The following CCDC178 variants were observed in gnomAD, a reference collection of about 807,000 sequenced individuals.
CCDC178 encodes the protein coiled-coil domain containing 178.
Under a neutral mutation model 117.4 loss-of-function variants are expected in CCDC178, and 126 were observed. The ratio of observed to expected loss-of-function variants is 1.07; its 90% CI spans 0.93 to 1.24. The LOEUF (loss-of-function observed/expected upper bound fraction) is 1.24, where lower values mean the gene tolerates loss of function less well. Among genes scored for constraint, CCDC178 ranks in the 50% most tolerant of loss-of-function variants. The pLI is 0.00. For synonymous variants in CCDC178, 283 were observed against 313.4 expected, an observed-to-expected ratio of 0.90 and a Z score of 1.02; for missense variants, 1,030 against 986.9, an observed-to-expected ratio of 1.04 and a Z score of -0.59.
intron 20 of CCDC178, among the ~76,000 whole-genome samples, chr18:33,145,782 A>G (rs2058260174): frequency 6.6e-6 from 1 of 152,214 alleles, no homozygotes; most frequent in African/African-American, 2.4e-5. Context: ...GTGATGGTGG[A>G]ACCAGAAGAT....
intron 12 of CCDC178, among the ~76,000 whole-genome samples, chr18:33,268,810 TA>T (rs1305676938): frequency 1.3e-5 from 2 of 151,576 alleles, no homozygotes; most frequent in African/African-American, 2.4e-5. Flanking sequence ...AAAAAACTGA[TA>T]AAAAAATGTC....
intron 21 of CCDC178, among the ~76,000 whole-genome samples, chr18:32,998,188 G>T (rs2055558924): frequency 6.6e-6 from 1 of 152,150 alleles, no homozygotes; most frequent in South Asian, 2.1e-4. Context: ...AGTGATTGTG[G>T]GACTTTGCGT....
intron 21 of CCDC178, among the ~76,000 whole-genome samples, chr18:32,997,361 G>T (rs1035778074): frequency 6.6e-6 from 1 of 152,082 alleles, no homozygotes; most frequent in Non-Finnish European, 1.5e-5. Context: ...ATGTGGTTGG[G>T]CCTCATCCAA....
chr18:33,109,473 A>T (rs909448767), intron 20 of CCDC178, among the ~76,000 whole-genome samples: 1 of 151,650 alleles, frequency 6.6e-6, no homozygotes, highest in Admixed American at 6.6e-5. Flanking sequence ...TACTCATTAA[A>T]GTCTATATTA....
intron 9 of CCDC178, among the ~76,000 whole-genome samples, chr18:33,345,936 T>C (rs897964444): frequency 1.3e-5 from 2 of 152,044 alleles, no homozygotes; most frequent in African/African-American, 4.8e-5. Flanking sequence ...CAATCAATCC[T>C]CCCACCTCAG....
intron 19 of CCDC178, among the ~76,000 whole-genome samples, chr18:33,212,427 T>C (rs1350472856): frequency 6.6e-6 from 1 of 151,960 alleles, no homozygotes; most frequent in Admixed American, 6.6e-5. Flanking sequence ...AGTGAGAAGC[T>C]CTTAATTCCA....
In CCDC178 at chr18:33,167,607, T is replaced by C. The variant is rs140390349; in HGVS notation, c.2238+44289A>G. On this transcript the variant is annotated intron_variant, in intron 20 of 22. Coordinates refer to ENST00000383096, the MANE Select transcript of CCDC178 (RefSeq NM_001105528.4). ...AGCTGGATGCAGTGGCTCACACCTC[T>C]AATCCTAGCACTTTGGGAGGTCGAG... Among the ~76,000 whole-genome samples the C allele has an allele frequency of 7.1e-3, 1,088 of 152,206 alleles. 10 individuals are homozygous for C. Among genetic ancestry groups the C allele is most frequent in the African/African-American group, 0.025 (1,039 of 41,528 alleles).
chr18:33,059,029 G>A (rs1303482347), intron 21 of CCDC178, among the ~76,000 whole-genome samples: 2 of 152,038 alleles, frequency 1.3e-5, no homozygotes, highest in Non-Finnish European at 2.9e-5. Flanking sequence ...CTGGAGCACT[G>A]GGAAAGAAGG....
At chr18:33,277,061 C>A (rs2059959686) in intron 12 of CCDC178, among the ~76,000 whole-genome samples, 1 of 151,904 alleles carries the variant, frequency 6.6e-6, no homozygotes, top group African/African-American at 2.4e-5. Context: ...AGCAAGGATG[C>A]CACTTATTTC....
chr18:33,309,294 C>T (rs1430272005), intron 11 of CCDC178, among the ~76,000 whole-genome samples: 1 of 151,882 alleles, frequency 6.6e-6, no homozygotes, highest in African/African-American at 2.4e-5. Context: ...AAGGTTCTTA[C>T]TTAGGTGAAT....
intron 20 of CCDC178, among the ~76,000 whole-genome samples, chr18:33,141,140 A>T (rs1177482006): frequency 6.6e-6 from 1 of 152,072 alleles, no homozygotes; most frequent in Admixed American, 6.6e-5. Context: ...CCTCTTTTTT[A>T]TTCCTAGTCT....
At chr18:33,313,189 C>A (rs1442493750) in intron 11 of CCDC178, among the ~76,000 whole-genome samples, 3 of 151,988 alleles carry the variant, frequency 2.0e-5, no homozygotes, top group African/African-American at 7.3e-5. Flanking sequence ...GCACATAGGG[C>A]TATTTGGAAG....
At chr18:32,998,098 T>G (rs555173781) in intron 21 of CCDC178, among the ~76,000 whole-genome samples, 4 of 152,206 alleles carry the variant, frequency 2.6e-5, no homozygotes, top group Non-Finnish European at 5.9e-5. Flanking sequence ...CAGTGTTGAA[T>G]CACTGACACC....
At chr18:33,229,680 G>A (rs992939775) in intron 15 of CCDC178, among the ~76,000 whole-genome samples, 1 of 152,100 alleles carries the variant, frequency 6.6e-6, no homozygotes, top group Non-Finnish European at 1.5e-5. Context: ...CAAAGTTATA[G>A]GAATATTTAA....
intron 21 of CCDC178, among the ~76,000 whole-genome samples, chr18:33,085,355 G>A (rs971471600): frequency 9.2e-5 from 14 of 152,134 alleles, no homozygotes; most frequent in African/African-American, 3.1e-4. Flanking sequence ...CGAGGTCAGG[G>A]GATCGAGACC....
intron 20 of CCDC178, among the ~76,000 whole-genome samples, chr18:33,186,688 A>G (rs1442049213): frequency 6.6e-6 from 1 of 152,032 alleles, no homozygotes; most frequent in Admixed American, 6.6e-5. Context: ...CCTAGCCTAT[A>G]AAGGATTGCC....
intron 20 of CCDC178, among the ~76,000 whole-genome samples, chr18:33,192,394 T>C (rs548979798): frequency 1.4e-4 from 21 of 152,284 alleles, no homozygotes; most frequent in African/African-American, 5.1e-4. Flanking sequence ...ACTTAAAGGG[T>C]ATACTAACAC....
intron 21 of CCDC178, among the ~76,000 whole-genome samples, chr18:33,034,825 A>C (rs1419491146): frequency 6.6e-6 from 1 of 152,034 alleles, no homozygotes; most frequent in Non-Finnish European, 1.5e-5. Context: ...ATTAATTATA[A>C]TTCATTTCAT....
At chr18:33,054,527 T>C (rs987443552) in intron 21 of CCDC178, among the ~76,000 whole-genome samples, 1 of 152,148 alleles carries the variant, frequency 6.6e-6, no homozygotes, top group African/African-American at 2.4e-5. Flanking sequence ...CAGTGTTTGG[T>C]TTTCTCTTCC....
Sources: gnomAD v4.1 joint callset for allele counts (sites outside exome capture counted in the v4.1 genomes callset) on GRCh38, gnomAD v4.1.1 for gene constraint, MANE v1.5 for transcripts, NCBI Gene and HGNC (gene_info 2026-07-23, HGNC 2026-07-21) for gene names.